PDE11A: variants seen among roughly 807,000 people sequenced by gnomAD.
PDE11A encodes the protein phosphodiesterase 11A.
In PDE11A, 100 loss-of-function variants were observed where a neutral mutation model predicts 100.5. That is an observed-to-expected ratio of 1.00 (90% confidence interval 0.85 to 1.18). The LOEUF is 1.18. Among genes scored for constraint, PDE11A ranks in the 50% most tolerant of loss-of-function variants. PDE11A has a pLI of 0.00. For missense variants in PDE11A, 1,141 were observed against 1,152.6 expected, an observed-to-expected ratio of 0.99 and a Z score of 0.15; for synonymous variants, 381 against 420.8, an observed-to-expected ratio of 0.91 and a Z score of 1.16.
intron 1 of PDE11A, among the ~76,000 whole-genome samples, chr2:178,055,156 A>G (rs1180705893): frequency 6.6e-6 from 1 of 152,206 alleles, no homozygotes; most frequent in East Asian, 1.9e-4. Context: ...ACCATGGAAT[A>G]CTATGCAGCC....
chr2:177,892,236 T>C (rs1018100301), intron 4 of PDE11A, among the ~76,000 whole-genome samples: 1 of 152,210 alleles, frequency 6.6e-6, no homozygotes, highest in East Asian at 1.9e-4. Context: ...ATATGAATCA[T>C]AATTTTGCCT....
At chr2:177,774,006 G>A (rs2082346886) in intron 9 of PDE11A, among the ~76,000 whole-genome samples, 1 of 152,108 alleles carries the variant, frequency 6.6e-6, no homozygotes, top group Non-Finnish European at 1.5e-5. Flanking sequence ...AGGATTTTCT[G>A]GGATGCATTC....
chr2:177,855,364 A>G (rs1339925222), intron 5 of PDE11A, among the ~76,000 whole-genome samples: 6 of 152,128 alleles, frequency 3.9e-5, no homozygotes, highest in Non-Finnish European at 7.4e-5. Context: ...CGAGAATACT[A>G]GCAAAAATTG....
intron 15 of PDE11A, among the ~76,000 whole-genome samples, chr2:177,684,007 A>G (rs931165767): frequency 6.6e-6 from 1 of 152,202 alleles, no homozygotes; most frequent in African/African-American, 2.4e-5. Flanking sequence ...TTTGTAAACA[A>G]TATTAATACT....
At chr2:177,949,642 T>C (rs2085483881) in intron 2 of PDE11A, among the ~76,000 whole-genome samples, 1 of 152,202 alleles carries the variant, frequency 6.6e-6, no homozygotes, top group Non-Finnish European at 1.5e-5. Context: ...GTGCATAATG[T>C]AGTGCTTGCC....
chr2:177,924,842 T>C (rs1034392644), intron 2 of PDE11A, among the ~76,000 whole-genome samples: 4 of 149,206 alleles, frequency 2.7e-5, no homozygotes, highest in African/African-American at 9.9e-5. Context: ...ACTCGTCATC[T>C]AGCATTAGGT....
chr2:177,634,862 T>A (rs1006551270), intron 19 of PDE11A, among the ~76,000 whole-genome samples: 2 of 152,210 alleles, frequency 1.3e-5, no homozygotes, highest in Non-Finnish European at 2.9e-5. Context: ...TAAAAGTTTC[T>A]TATCAAGTGA....
intron 2 of PDE11A, among the ~76,000 whole-genome samples, chr2:177,990,753 G>GA (rs1296641710): frequency 1.5e-5 from 2 of 137,020 alleles, no homozygotes; most frequent in Non-Finnish European, 3.2e-5. Context: ...AAAAAAAAAG[G>GA]AAAAAAAAGG....
At chr2:177,826,930 C>T (rs2083234405) in intron 6 of PDE11A, among the ~76,000 whole-genome samples, 1 of 152,194 alleles carries the variant, frequency 6.6e-6, no homozygotes, top group African/African-American at 2.4e-5. Context: ...ATCCACAGAG[C>T]TTTGTCTCTT....
At chr2:177,679,839 G>A (rs942586072) in intron 16 of PDE11A, among the ~76,000 whole-genome samples, 7 of 152,048 alleles carry the variant, frequency 4.6e-5, no homozygotes, top group East Asian at 1.9e-4. Flanking sequence ...GGTAAGGGGC[G>A]AGGAGGTGGA....
At chr2:177,847,770 C>T (rs1317394465) in intron 5 of PDE11A, among the ~76,000 whole-genome samples, 1 of 152,160 alleles carries the variant, frequency 6.6e-6, no homozygotes, top group Non-Finnish European at 1.5e-5. Context: ...GGTGCCTGAG[C>T]CCTAATGCCA....
chr2:177,727,937 C>T, intron 11 of PDE11A, 89 bp downstream of exon 11: 2 of 1,205,676 alleles, frequency 1.7e-6, no homozygotes, highest in Non-Finnish European at 1.2e-6. Flanking sequence ...ATTATCATCC[C>T]CATTTTGTAT....
At chr2:177,757,957 T>C (rs537289698) in intron 10 of PDE11A, among the ~76,000 whole-genome samples, 1 of 152,006 alleles carries the variant, frequency 6.6e-6, no homozygotes, top group African/African-American at 2.4e-5. Context: ...AGGCCCTGGA[T>C]GGAAACATCA....
At chr2:177,734,338 T>G (rs994964930) in intron 10 of PDE11A, among the ~76,000 whole-genome samples, 16 of 152,166 alleles carry the variant, frequency 1.1e-4, no homozygotes, top group Admixed American at 8.5e-4. Flanking sequence ...GAGCAAACAA[T>G]GAGGAGGTGA....
chr2:177,725,423 T>A (rs1332409707), intron 12 of PDE11A, among the ~76,000 whole-genome samples: 2 of 152,140 alleles, frequency 1.3e-5, no homozygotes, highest in Non-Finnish European at 2.9e-5. Context: ...CTCAATACAA[T>A]GTGAAGGAGA....
intron 18 of PDE11A, among the ~76,000 whole-genome samples, chr2:177,667,353 A>G (rs976832964): frequency 6.6e-6 from 1 of 152,082 alleles, no homozygotes; most frequent in African/African-American, 2.4e-5. Flanking sequence ...TTATACCTAT[A>G]TTTTCTTCTA....
At chr2:177,955,600 C>G (rs889398487) in intron 2 of PDE11A, among the ~76,000 whole-genome samples, 2 of 152,124 alleles carry the variant, frequency 1.3e-5, no homozygotes, top group African/African-American at 4.8e-5. Flanking sequence ...GCATTTCTAA[C>G]AAGGGGCTGG....
rs2084961912 is a variant in PDE11A at position 177,916,915 on chromosome 2, C to G, written c.1072-11728G>C. On this transcript the variant is annotated intron_variant, in intron 2 of 19. Transcript: ENST00000286063. ...AGCTGGGACTACAGGTGTCTGCCACCACGCCCGGCTAATTTTTTTTTTTTT... is the reference window on the plus strand; with the variant it reads ...AGCTGGGACTACAGGTGTCTGCCACGACGCCCGGCTAATTTTTTTTTTTTT... Among the ~76,000 whole-genome samples the G allele has an allele frequency of 2.0e-5, 3 of 147,414 alleles. No homozygotes were observed. The South Asian group carries it at 6.6e-4, about 32-fold the overall frequency.
intron 3 of PDE11A, among the ~76,000 whole-genome samples, chr2:177,899,082 T>C (rs978699815): frequency 6.6e-6 from 1 of 152,170 alleles, no homozygotes; most frequent in African/African-American, 2.4e-5. Context: ...CACTTTTCTG[T>C]AGTGATTTTT....
Sources: allele counts gnomAD v4.1 joint callset (sites outside exome capture counted in the v4.1 genomes callset), GRCh38; gene constraint gnomAD v4.1.1; transcripts MANE v1.5; gene names NCBI Gene and HGNC (gene_info 2026-07-23, HGNC 2026-07-21).